Variants in MTHFD2L observed in about 807,000 individuals in gnomAD.
MTHFD2L encodes bifunctional methylenetetrahydrofolate dehydrogenase/cyclohydrolase 2, mitochondrial.
In MTHFD2L, 29 loss-of-function variants were observed where a neutral mutation model predicts 34.9. The ratio of observed to expected loss-of-function variants is 0.83; its 90% confidence interval spans 0.62 to 1.13. The LOEUF is 1.13. Ranked by LOEUF, MTHFD2L falls within the 50% of genes most tolerant of loss-of-function variation. MTHFD2L has a pLI of 0.00. For synonymous variants in MTHFD2L, 167 were observed against 155.7 expected, an observed-to-expected ratio of 1.07 and a Z score of -0.54; for missense variants, 481 against 446.5, an observed-to-expected ratio of 1.08 and a Z score of -0.70.
At chr4:74,126,082 A>G (rs1261861361) in intron 1 of MTHFD2L, among the ~76,000 whole-genome samples, 2 of 152,212 alleles carry the variant, frequency 1.3e-5, no homozygotes, top group Non-Finnish European at 2.9e-5. Flanking sequence ...TGGAAAATTA[A>G]TGGCCTTGGG....
intron 3 of MTHFD2L, among the ~76,000 whole-genome samples, chr4:74,191,048 C>T (rs576218302): frequency 4.6e-5 from 7 of 152,072 alleles, no homozygotes; most frequent in East Asian, 1.9e-4. Context: ...GTACAGGTGC[C>T]GGCCACCATG....
chr4:74,182,680 A>G (rs1730421837), intron 3 of MTHFD2L: 2 of 152,138 alleles, frequency 1.3e-5, no homozygotes, highest in Admixed American at 6.6e-5. Context: ...AAGTTCTCCA[A>G]ATATCCACAT....
chr4:74,132,573 C>A (rs1277799345), intron 1 of MTHFD2L, among the ~76,000 whole-genome samples: 2 of 152,094 alleles, frequency 1.3e-5, no homozygotes, highest in Non-Finnish European at 2.9e-5. Context: ...GAACATCACA[C>A]ACCAGGGCCT....
At chr4:74,136,919 C>T (rs1446757359) in intron 1 of MTHFD2L, among the ~76,000 whole-genome samples, 2 of 152,040 alleles carry the variant, frequency 1.3e-5, no homozygotes, top group African/African-American at 4.8e-5. Flanking sequence ...TAACTATATG[C>T]AGAAGAAAGA....
In MTHFD2L at chr4:74,302,750, A is replaced by G. The variant is rs983745595; in HGVS notation, c.*941A>G. 3 of 152,154 alleles carry G rather than the reference A, an allele frequency of 2.0e-5. No individual in the cohort carries two copies. The highest frequency in any genetic ancestry group is 2.1e-4 in the South Asian group (1 of 4,832). 9.4% of individuals were successfully genotyped at this position (152,154 alleles called of 1,614,324 possible). A position where few individuals can be genotyped will look rare whatever the true frequency, so the allele number is the denominator to read the frequency against. ...CTAATAGGAAAACATGATACTTTCA[A>G]TGTGCCAAAACTAAACCTTAGTATA... On this transcript the variant is annotated 3_prime_UTR_variant, in exon 8 of 8. Transcript: ENST00000325278.
chr4:74,219,074 G>C (rs1489937122), intron 5 of MTHFD2L, among the ~76,000 whole-genome samples: 1 of 151,966 alleles, frequency 6.6e-6, no homozygotes, highest in East Asian at 1.9e-4. Context: ...GTAATCTAAA[G>C]ATGATTTAAA....
intron 7 of MTHFD2L, among the ~76,000 whole-genome samples, chr4:74,294,825 C>G (rs1379991553): frequency 2.0e-5 from 3 of 151,916 alleles, no homozygotes; most frequent in African/African-American, 7.3e-5. Flanking sequence ...AAATCTGAAG[C>G]CAATAACATA....
At chr4:74,295,561 A>T (rs879632146) in intron 7 of MTHFD2L, among the ~76,000 whole-genome samples, 6 of 152,178 alleles carry the variant, frequency 3.9e-5, no homozygotes, top group African/African-American at 9.6e-5. Context: ...AAATGTGCAA[A>T]CACAGAACAG....
intron 1 of MTHFD2L, among the ~76,000 whole-genome samples, chr4:74,171,909 G>C (rs183059237): frequency 4.1e-5 from 6 of 144,802 alleles, no homozygotes; most frequent in African/African-American, 1.5e-4. Flanking sequence ...GAAAGAACCC[G>C]AATATCCATT....
rs745952393 is a variant in MTHFD2L at position 74,201,253 on chromosome 4, GTATTT to G, written c.605-7_605-3del. The G allele has an allele frequency of 6.5e-4, 1,051 of 1,607,058 alleles. 2 individuals are homozygous for G. Among genetic ancestry groups the G allele is most frequent in the Non-Finnish European group, 8.1e-4 (950 of 1,174,508 alleles). On this transcript the variant is annotated splice_region_variant and splice_polypyrimidine_tract_variant and intron_variant, in intron 4 of 7. Coordinates refer to ENST00000325278, the MANE Select transcript of MTHFD2L (RefSeq NM_001144978.3). ...CAATTCTGCATTTAAACCGAACTCT[GTATTT>G]TAAGGAATTCAAACATTTGGAAAAA...
chr4:74,205,996 A>G (rs1403413787), intron 5 of MTHFD2L, among the ~76,000 whole-genome samples: 1 of 152,146 alleles, frequency 6.6e-6, no homozygotes, highest in African/African-American at 2.4e-5. Flanking sequence ...TAATTATTAG[A>G]ATGTTTGAGT....
intron 3 of MTHFD2L, among the ~76,000 whole-genome samples, chr4:74,176,544 C>T (rs1463233902): frequency 6.6e-6 from 1 of 151,990 alleles, no homozygotes; most frequent in Non-Finnish European, 1.5e-5. Flanking sequence ...GAAAACAACA[C>T]TTTGCCATCG....
At chr4:74,183,106 C>T (rs1343105333) in intron 3 of MTHFD2L, 1 of 151,438 alleles carries the variant, frequency 6.6e-6, no homozygotes, top group African/African-American at 2.4e-5. Context: ...ATCTTAAAAG[C>T]AATAAGGGGG....
intron 7 of MTHFD2L, among the ~76,000 whole-genome samples, chr4:74,290,303 G>A (rs576450505): frequency 6.6e-6 from 1 of 152,264 alleles, no homozygotes; most frequent in African/African-American, 2.4e-5. Flanking sequence ...CCCCTGGAGT[G>A]CTTTGTAAGC....
chr4:74,245,127 A>T (rs1742237793), intron 6 of MTHFD2L, among the ~76,000 whole-genome samples: 1 of 146,534 alleles, frequency 6.8e-6, no homozygotes, highest in Non-Finnish European at 1.5e-5. Flanking sequence ...CCCGGGAGGC[A>T]GAGCTTGCAG....
At chr4:74,127,827 G>A (rs1290849102) in intron 1 of MTHFD2L, among the ~76,000 whole-genome samples, 1 of 151,998 alleles carries the variant, frequency 6.6e-6, no homozygotes, top group Non-Finnish European at 1.5e-5. Context: ...CCTCCATACC[G>A]TTTTTCATAG....
intron 5 of MTHFD2L, among the ~76,000 whole-genome samples, chr4:74,221,758 T>C (rs1343558869): frequency 6.6e-6 from 1 of 151,846 alleles, no homozygotes; most frequent in African/African-American, 2.4e-5. Flanking sequence ...TAAATATATA[T>C]GGTAAAACTA....
At chr4:74,182,415 A>G (rs971278746) in intron 3 of MTHFD2L, among the ~76,000 whole-genome samples, 1 of 152,212 alleles carries the variant, frequency 6.6e-6, no homozygotes, top group African/African-American at 2.4e-5. Flanking sequence ...AAAGTTTTCT[A>G]TAGCTATATA....
intron 1 of MTHFD2L, among the ~76,000 whole-genome samples, chr4:74,134,314 C>T (rs367574619): frequency 3.3e-5 from 5 of 152,260 alleles, no homozygotes; most frequent in African/African-American, 9.6e-5. Context: ...TTCCACAAGT[C>T]CCCTGGGAAC....
Sources: gnomAD v4.1 joint callset for allele counts (sites outside exome capture counted in the v4.1 genomes callset) on GRCh38, gnomAD v4.1.1 for gene constraint, MANE v1.5 for transcripts, NCBI Gene and HGNC (gene_info 2026-07-23, HGNC 2026-07-21) for gene names.